The following UNC13C variants were observed in gnomAD, a reference collection of about 807,000 sequenced individuals.
The protein encoded by UNC13C is unc-13 homolog C.
In UNC13C, 174 loss-of-function variants were observed where a neutral mutation model predicts 245.4. The observed-to-expected ratio is 0.71, with a 90% CI of 0.63 to 0.80. The LOEUF (loss-of-function observed/expected upper bound fraction) is 0.80. Ranked by LOEUF, UNC13C falls within the 30% of genes least tolerant of loss-of-function variation. The pLI is 0.00. For synonymous variants in UNC13C, 992 were observed against 895.1 expected (o/e 1.11, Z -1.93); for missense variants, 2,829 against 2,602.9 (o/e 1.09, Z -1.89).
chr15:54,158,190 T>G (rs990592744), intron 4 of UNC13C, among the ~76,000 whole-genome samples: 3 of 152,200 alleles, frequency 2.0e-5, no homozygotes, highest in Non-Finnish European at 4.4e-5. Context: ...GAAATTTGTT[T>G]TGTTGCCTAT....
At chr15:54,419,643 A>G (rs2040596838) in intron 19 of UNC13C, among the ~76,000 whole-genome samples, 1 of 152,090 alleles carries the variant, frequency 6.6e-6, no homozygotes, top group African/African-American at 2.4e-5. Context: ...CCTGAACTCA[A>G]ACTCTAAGAT....
chr15:54,454,566 G>A (rs1200029443), intron 19 of UNC13C, among the ~76,000 whole-genome samples: 1 of 6,972 alleles, frequency 1.4e-4, no homozygotes. Flanking sequence ...CAACAATAGT[G>A]GGGGAAAAAA....
At chr15:54,571,874 A>T (rs1037590585) in intron 30 of UNC13C, among the ~76,000 whole-genome samples, 4 of 152,210 alleles carry the variant, frequency 2.6e-5, no homozygotes, top group Non-Finnish European at 4.4e-5. Flanking sequence ...ACCAACTCTG[A>T]TGTGTATTCT....
intron 2 of UNC13C, among the ~76,000 whole-genome samples, chr15:54,056,942 C>A (rs1374695900): frequency 1.3e-5 from 2 of 152,166 alleles, no homozygotes; most frequent in Non-Finnish European, 2.9e-5. Flanking sequence ...GCCTGCCCTA[C>A]AAGAGCTCCT....
At chr15:53,976,395 G>C (rs1391891747), upstream of UNC13C, among the ~76,000 whole-genome samples, 1 of 147,066 alleles carries the variant, frequency 6.8e-6, no homozygotes, top group Non-Finnish European at 1.5e-5. Flanking sequence ...GAGAATATTT[G>C]AATTAGAGCA....
chr15:54,202,810 A>G (rs771506577), intron 4 of UNC13C, among the ~76,000 whole-genome samples: 1 of 151,926 alleles, frequency 6.6e-6, no homozygotes, highest in African/African-American at 2.4e-5. Context: ...AACAAAGATA[A>G]ATAGATGGGA....
chr15:53,931,606 G>C, the UNC13C span, among the ~76,000 whole-genome samples: 1 of 152,032 alleles, frequency 6.6e-6, no homozygotes, highest in Non-Finnish European at 1.5e-5. Flanking sequence ...GGTAAGGGCT[G>C]ATTTACAGGG....
At chr15:54,455,205 C>CTCTCTCTATATATATA (rs1388065398) in intron 19 of UNC13C, among the ~76,000 whole-genome samples, 10 of 18,946 alleles carry the variant, frequency 5.3e-4, no homozygotes, top group Non-Finnish European at 8.3e-4. Context: ...CTCTCTCTCT[C>CTCTCTCTATATATATA]TATATATATA....
chr15:53,870,936 T>C, the UNC13C span, among the ~76,000 whole-genome samples: 1 of 151,950 alleles, frequency 6.6e-6, no homozygotes, highest in Non-Finnish European at 1.5e-5. Flanking sequence ...CCCAGTGCCC[T>C]TGACAATAGT....
chr15:54,619,356 G>A (rs57406873), intron 30 of UNC13C, among the ~76,000 whole-genome samples: 13,341 of 152,116 alleles, frequency 0.088, 892 homozygotes, highest in African/African-American at 0.18. Context: ...TGCACTCTAC[G>A]CATGTTTCAC....
intron 2 of UNC13C, among the ~76,000 whole-genome samples, chr15:54,018,532 G>C (rs144235680): frequency 6.6e-6 from 1 of 151,982 alleles, no homozygotes; most frequent in Non-Finnish European, 1.5e-5. Flanking sequence ...AGTAGGAAGA[G>C]ACCTTAGAGT....
chr15:54,374,100 A>G (rs1035782343), intron 17 of UNC13C, among the ~76,000 whole-genome samples: 1 of 152,122 alleles, frequency 6.6e-6, no homozygotes, highest in African/African-American at 2.4e-5. Context: ...GGTCCTCTGA[A>G]TGTCTCCCCA....
At position 54,197,598 on chromosome 15, in the gene UNC13C, C is replaced by A. The variant is rs78815521; in HGVS notation, c.3072-37432C>A. On this transcript the variant is annotated intron_variant, in intron 4 of 32. Coordinates refer to ENST00000260323, the MANE Select transcript of UNC13C (RefSeq NM_001080534.3). ...TTTGAGAATAATTGAGTTGTGGATG[C>A]AAACTTTTTCACATTTAAAACTTTG... 3.1e-3 allele frequency among the ~76,000 whole-genome samples: 472 copies of A among 152,228 alleles called. 6 individuals are homozygous for A. The highest frequency in any genetic ancestry group is 0.025 in the East Asian group (129 of 5,170).
intron 2 of UNC13C, among the ~76,000 whole-genome samples, chr15:54,092,793 A>T (rs1382074960): frequency 6.6e-6 from 1 of 152,190 alleles, no homozygotes; most frequent in Non-Finnish European, 1.5e-5. Flanking sequence ...ATTCCCTATG[A>T]CATTACTTAT....
At chr15:54,354,722 C>T (rs1435462635) in intron 17 of UNC13C, among the ~76,000 whole-genome samples, 1 of 152,138 alleles carries the variant, frequency 6.6e-6, no homozygotes, top group Non-Finnish European at 1.5e-5. Context: ...AGGAATATCT[C>T]AACTTTACTG....
intron 19 of UNC13C, among the ~76,000 whole-genome samples, chr15:54,483,322 C>A (rs1029054810): frequency 2.0e-5 from 3 of 152,184 alleles, no homozygotes; most frequent in Non-Finnish European, 2.9e-5. Context: ...TGCTTATATT[C>A]ACCTGAATGC....
intron 19 of UNC13C, among the ~76,000 whole-genome samples, chr15:54,453,114 A>G (rs1465428555): frequency 2.6e-5 from 4 of 152,110 alleles, no homozygotes; most frequent in African/African-American, 9.7e-5. Context: ...CTCTCTCTAA[A>G]GCAATGCCAT....
chr15:54,309,081 A>C (rs1213322891), intron 13 of UNC13C, among the ~76,000 whole-genome samples: 4 of 151,866 alleles, frequency 2.6e-5, no homozygotes, highest in Non-Finnish European at 4.4e-5. Context: ...GAAGCTTCTT[A>C]CTGTTTGTCA....
chr15:53,885,288 C>A, the UNC13C span, among the ~76,000 whole-genome samples: 1 of 152,168 alleles, frequency 6.6e-6, no homozygotes, highest in Admixed American at 6.5e-5. Flanking sequence ...ATTCTTCTTC[C>A]CTAAGGTGGG....
Sources: allele counts gnomAD v4.1 joint callset (sites outside exome capture counted in the v4.1 genomes callset), GRCh38; gene constraint gnomAD v4.1.1; transcripts MANE v1.5; gene names NCBI Gene and HGNC (gene_info 2026-07-23, HGNC 2026-07-21).